Variants in CATSPER4 observed in about 807,000 individuals in gnomAD.
CATSPER4 encodes cation channel sperm associated 4.
Under a neutral mutation model 54.4 loss-of-function variants are expected in CATSPER4, and 46 were observed. The observed-to-expected ratio is 0.84, with a 90% CI of 0.67 to 1.08. CATSPER4 has a LOEUF of 1.08. CATSPER4 is among the 50% of genes least tolerant of loss of function. The pLI, the probability that CATSPER4 is intolerant of heterozygous loss-of-function variation, is 0.00. For synonymous variants in CATSPER4, 230 were observed against 231.9 expected, an observed-to-expected ratio of 0.99 and a Z score of 0.08; for missense variants, 574 against 612.8, an observed-to-expected ratio of 0.94 and a Z score of 0.67.
intron 3 of CATSPER4, among the ~76,000 whole-genome samples, chr1:26,194,149 A>C (rs967311614): frequency 6.6e-6 from 1 of 152,236 alleles, no homozygotes; most frequent in Non-Finnish European, 1.5e-5. Context: ...TTGTCTGAGA[A>C]ATGGGGCTGA....
chr1:26,193,717 C>T, intron 2 of CATSPER4, 70 bp from the exon 3 acceptor site: 1 of 966,892 alleles, frequency 1.0e-6, no homozygotes, highest in Non-Finnish European at 1.7e-6. Flanking sequence ...TACATCCTCT[C>T]CCTGCCGGCT....
At chr1:26,198,721 C>T (rs944244723) in intron 6 of CATSPER4, among the ~76,000 whole-genome samples, 1 of 152,178 alleles carries the variant, frequency 6.6e-6, no homozygotes, top group African/African-American at 2.4e-5. Context: ...AGTTATGCCT[C>T]AGGTTACAGA....
In CATSPER4 at chr1:26,201,444, G is replaced by C. The variant is rs2089007064; in HGVS notation, c.1290G>C (p.Glu430Asp). The C allele has an allele frequency of 6.2e-7, 1 of 1,613,804 alleles. No individual in the cohort carries two copies. Among genetic ancestry groups the C allele is most frequent in the African/African-American group, 1.3e-5 (1 of 74,924 alleles). ...GCTCGTCGACGAGCGGGTCGTTGGA[G>C]ACTACGTCATCCAAGGACATCCGCC... ...NRRSSTSGSL[E>D]TTSSKDIRQM... The change falls in exon 9 of 10, where the codon GAG becomes GAC. Residue 430 changes from glutamate (E) to aspartate (D), a missense_variant. Glu to Asp is a conservative substitution (Grantham distance 45, BLOSUM62 2). Transcript: ENST00000456354.
In CATSPER4 at chr1:26,191,054, G is replaced by A. The variant is rs532139838; in HGVS notation, c.213+214G>A. ...TAACGATCATCTTCACTATCAGAGAGCCCAAAGAGATTCTCTGGCAATGAC... is the reference window on the plus strand; with the variant it reads ...TAACGATCATCTTCACTATCAGAGAACCCAAAGAGATTCTCTGGCAATGAC... On this transcript the variant is annotated intron_variant, in intron 1 of 9. Transcript: ENST00000456354. 7.2e-5 allele frequency among the ~76,000 whole-genome samples: 11 copies of A among 152,188 alleles called. No homozygotes were observed. In the South Asian group the frequency reaches 1.5e-3, roughly 20 times the overall value.
chr1:26,191,496 G>T, intron 2 of CATSPER4, 66 bp downstream of exon 2: 1 of 1,559,168 alleles, frequency 6.4e-7, no homozygotes, highest in Non-Finnish European at 8.8e-7. Context: ...GAACTCTTCC[G>T]GCCTCAGGCT....
Position 26,202,513 on chromosome 1 carries a change from C to G in CATSPER4, c.1390C>G (p.Leu464Val). ...GGTTCATGACTCTAGCTCACAAATACTCCTTAAAAAACACAAGAGCAGCCA... is the reference window on the plus strand; with the variant it reads ...GGTTCATGACTCTAGCTCACAAATAGTCCTTAAAAAACACAAGAGCAGCCA... ...EKVHDSSSQI[L>V]LKKHKSSH The change falls in exon 10 of 10, where the codon CTC becomes GTC. Residue 464 changes from leucine to valine, a missense_variant. By Grantham distance (32) the Leu-to-Val change is conservative. Coordinates refer to ENST00000456354, the MANE Select transcript of CATSPER4 (RefSeq NM_198137.2). 1.2e-6 allele frequency: 2 copies of G among 1,611,798 alleles called. No individual in the cohort carries two copies. Among genetic ancestry groups the G allele is most frequent in the African/African-American group, 1.3e-5 (1 of 74,982 alleles).
intron 7 of CATSPER4, 135 bp downstream of exon 7, chr1:26,200,193 G>A (rs934616261): frequency 9.8e-7 from 1 of 1,015,934 alleles, no homozygotes; most frequent in Non-Finnish European, 1.4e-6. Flanking sequence ...GGAGGCAGCA[G>A]CCCCCCATCT....
chr1:26,196,837 A>G (rs1395783076), intron 3 of CATSPER4, among the ~76,000 whole-genome samples: 1 of 151,208 alleles, frequency 6.6e-6, no homozygotes, highest in African/African-American at 2.4e-5. Flanking sequence ...TCTCCTCCCC[A>G]TCTCATTCCT....
chr1:26,192,921 G>A (rs999899542), intron 2 of CATSPER4, among the ~76,000 whole-genome samples: 3 of 151,622 alleles, frequency 2.0e-5, no homozygotes, highest in Non-Finnish European at 2.9e-5. Context: ...CCTGACCAAC[G>A]TGGTGAAACC....
chr1:26,202,876 G>A lies in CATSPER4; in HGVS notation c.*334G>A. On this transcript the variant is annotated 3_prime_UTR_variant, in exon 10 of 10. Coordinates refer to ENST00000456354, the MANE Select transcript of CATSPER4 (RefSeq NM_198137.2). Reference sequence around the variant, plus strand: ...CTGCTCTTGCCCAGAGCTGGTGGGGGGCCTCAGTGGGCCCCAGAACCAAGA... The same window carrying A: ...CTGCTCTTGCCCAGAGCTGGTGGGGAGCCTCAGTGGGCCCCAGAACCAAGA... 1 of 402,080 alleles carries A rather than the reference G, an allele frequency of 2.5e-6. No homozygotes were observed. Among genetic ancestry groups the A allele is most frequent in the Non-Finnish European group, 4.6e-6 (1 of 218,076 alleles). 24.9% of individuals were successfully genotyped at this position (402,080 alleles called of 1,614,324 possible).
chr1:26,198,557 A>G, intron 6 of CATSPER4, 138 bp downstream of exon 6: 1 of 1,087,194 alleles, frequency 9.2e-7, no homozygotes, highest in African/African-American at 1.6e-5. Context: ...GTCTTTAAAC[A>G]GAGGAAAAGG....
At chr1:26,198,528 T>C (rs961663058) in intron 6 of CATSPER4, 109 bp downstream of exon 6, 102 of 1,413,346 alleles carry the variant, frequency 7.2e-5, no homozygotes, top group Non-Finnish European at 9.2e-5. Context: ...GATGGCCCAG[T>C]AGAAGTGGGG....
intron 4 of CATSPER4, 83 bp downstream of exon 4, chr1:26,197,866 C>A (rs562091328): frequency 7.5e-6 from 12 of 1,607,676 alleles, no homozygotes; most frequent in African/African-American, 5.4e-5. Context: ...AGCTGGAGAT[C>A]AGCTTTGCCT....
At position 26,193,808 on chromosome 1, in the gene CATSPER4, A is replaced by T; in HGVS notation, c.379A>T (p.Thr127Ser). The T allele has an allele frequency of 6.2e-7, 1 of 1,613,398 alleles. No homozygotes were observed. Among genetic ancestry groups the T allele is most frequent in the Non-Finnish European group, 8.5e-7 (1 of 1,179,410 alleles). ...LDQKHYELFS[T>S]IDDIVLTILL... ...GTAGAAACACTATGAGTTGTTCTCT[A>T]CCATAGATGACATTGTGCTGACCAT... The change falls in exon 3 of 10, where the codon ACC becomes TCC. Residue 127 changes from threonine (T) to serine (S), a missense_variant. Thr to Ser is a moderately conservative substitution (Grantham distance 58, BLOSUM62 1). Transcript: ENST00000456354.
intron 7 of CATSPER4, 74 bp from the exon 8 acceptor site, chr1:26,200,756 G>C (rs915553193): frequency 1.7e-6 from 2 of 1,189,386 alleles, no homozygotes; most frequent in Admixed American, 1.7e-5. Flanking sequence ...TCATCCTGAA[G>C]CCAAGCAGGA....
intron 9 of CATSPER4, 95 bp downstream of exon 9, chr1:26,201,614 T>C (rs2089009335): frequency 7.8e-7 from 1 of 1,274,052 alleles, no homozygotes; most frequent in East Asian, 2.3e-5. Flanking sequence ...AAAGTTTCTG[T>C]CTATTCCAAG....
chr1:26,195,257 C>T (rs2088923469), intron 3 of CATSPER4, among the ~76,000 whole-genome samples: 1 of 152,048 alleles, frequency 6.6e-6, no homozygotes, highest in Non-Finnish European at 1.5e-5. Flanking sequence ...TTGTCTTTGT[C>T]CATTTAGTGT....
chr1:26,193,825 G>T lies in CATSPER4; in HGVS notation c.396G>T (p.Val132=), dbSNP rs185314400. 185 of 1,614,024 alleles carry T rather than the reference G, an allele frequency of 1.1e-4. 1 individual carries two copies. Among genetic ancestry groups the T allele is most frequent in the Non-Finnish European group, 1.6e-4 (183 of 1,179,924 alleles). The change falls in exon 3 of 10, where the codon GTG becomes GTT. Residue 132 remains valine (V), a synonymous_variant. Transcript: ENST00000456354. ...TGTTCTCTACCATAGATGACATTGT[G>T]CTGACCATCCTTCTTTGTGAGGTTC... is the stretch of plus-strand genomic sequence containing the variant. ...YELFSTIDDI[V]LTILLCEVLL... is the part of the protein sequence containing the mutation.
Position 26,198,407 on chromosome 1 carries a change from A to G in CATSPER4, c.800A>G (p.Tyr267Cys). The G allele has an allele frequency of 1.2e-6, 2 of 1,614,076 alleles. No individual in the cohort carries two copies. The highest frequency in any genetic ancestry group is 1.7e-6 in the Non-Finnish European group (2 of 1,180,002). ...CITQDGWVDI[Y>C]SDFQTEKREY... ...ACCCAGGACGGCTGGGTGGACATCT[A>G]CAGTGACTTCCAGTGAGTGCCAGTG... The change falls in exon 6 of 10, where the codon TAC becomes TGC. Residue 267 changes from tyrosine (Y) to cysteine (C), a missense_variant. By Grantham distance (194) the Tyr-to-Cys change is radical (BLOSUM62 -2). Coordinates refer to ENST00000456354, the MANE Select transcript of CATSPER4 (RefSeq NM_198137.2).
Sources: allele counts gnomAD v4.1 joint callset (sites outside exome capture counted in the v4.1 genomes callset), GRCh38; gene constraint gnomAD v4.1.1; transcripts MANE v1.5; gene names NCBI Gene and HGNC (gene_info 2026-07-23, HGNC 2026-07-21).